PTPN21: variants seen among roughly 807,000 people sequenced by gnomAD.
PTPN21 encodes tyrosine-protein phosphatase non-receptor type 21.
Under a neutral mutation model 131.8 loss-of-function variants are expected in PTPN21, and 77 were observed. The ratio of observed to expected loss-of-function variants is 0.58; its 90% confidence interval spans 0.49 to 0.71. The LOEUF (loss-of-function observed/expected upper bound fraction) is 0.71, where lower values mean the gene tolerates loss of function less well. Ranked by LOEUF, PTPN21 falls within the 30% of genes least tolerant of loss-of-function variation. The probability of loss-of-function intolerance (pLI) is 0.00; values close to 1 mark genes in which losing one functional copy is unlikely to be tolerated. For synonymous variants in PTPN21, 715 were observed against 621.3 expected (o/e 1.15, Z -2.24); for missense variants, 1,552 against 1,527.1 (o/e 1.02, Z -0.27).
chr14:88,493,228 T>C (rs1566823331), intron 10 of PTPN21: 2 of 351,622 alleles, frequency 5.7e-6, no homozygotes, highest in Non-Finnish European at 1.1e-5. Context: ...TACTAAATTA[T>C]TGTTATGAAT....
chr14:88,477,445 C>CT (rs1214626566), intron 13 of PTPN21, among the ~76,000 whole-genome samples: 7 of 10,552 alleles, frequency 6.6e-4, no homozygotes, highest in South Asian at 5.3e-3. Context: ...CAAGACTGTT[C>CT]TAAAAAAAAA....
intron 7 of PTPN21, 155 bp downstream of exon 7, chr14:88,501,126 C>T (rs2078001437): frequency 1.3e-6 from 1 of 743,496 alleles, no homozygotes; most frequent in Non-Finnish European, 2.3e-6. Flanking sequence ...TGTGTTTTAC[C>T]ACAAAACTTT....
intron 2 of PTPN21, among the ~76,000 whole-genome samples, chr14:88,547,335 A>C (rs916541190): frequency 6.6e-6 from 1 of 151,530 alleles, no homozygotes; most frequent in African/African-American, 2.4e-5. Context: ...AAAGTAAATA[A>C]ATAAATAAAT....
chr14:88,507,654 T>G (rs2078112648), intron 4 of PTPN21, among the ~76,000 whole-genome samples: 1 of 152,326 alleles, frequency 6.6e-6, no homozygotes, highest in African/African-American at 2.4e-5. Flanking sequence ...TATGTGTGTG[T>G]ATACACACAT....
At chr14:88,481,175 G>A (rs1225887682) in intron 12 of PTPN21, among the ~76,000 whole-genome samples, 1 of 152,178 alleles carries the variant, frequency 6.6e-6, no homozygotes, top group Non-Finnish European at 1.5e-5. Flanking sequence ...TCCTCTGAAA[G>A]GCATTCTTTT....
At chr14:88,534,224 A>G (rs2078595843) in intron 2 of PTPN21, among the ~76,000 whole-genome samples, 1 of 150,716 alleles carries the variant, frequency 6.6e-6, no homozygotes, top group Non-Finnish European at 1.5e-5. Flanking sequence ...AAATTAAAAA[A>G]AAGGGGGGGC....
intron 2 of PTPN21, among the ~76,000 whole-genome samples, chr14:88,549,943 G>A (rs2078837128): frequency 6.6e-6 from 1 of 151,920 alleles, no homozygotes; most frequent in African/African-American, 2.4e-5. Flanking sequence ...CCACCACCAC[G>A]TCCGGCTAAT....
chr14:88,531,983 G>A (rs926619696), intron 2 of PTPN21, among the ~76,000 whole-genome samples: 4 of 152,062 alleles, frequency 2.6e-5, no homozygotes, highest in Non-Finnish European at 5.9e-5. Flanking sequence ...GCCTTTGCGT[G>A]CATAAACTAG....
chr14:88,537,472 A>G (rs1480446378), intron 2 of PTPN21, among the ~76,000 whole-genome samples: 1 of 152,204 alleles, frequency 6.6e-6, no homozygotes, highest in African/African-American at 2.4e-5. Context: ...TATTCATTCA[A>G]TGAATATTGA....
At chr14:88,498,327 C>T (rs565744255) in intron 8 of PTPN21, among the ~76,000 whole-genome samples, 37 of 151,698 alleles carry the variant, frequency 2.4e-4, no homozygotes, top group African/African-American at 8.2e-4. Context: ...TTTTAATCAG[C>T]TAGCATGAAT....
chr14:88,490,784 C>T (rs1276875804), intron 10 of PTPN21, among the ~76,000 whole-genome samples: 1 of 152,216 alleles, frequency 6.6e-6, no homozygotes, highest in East Asian at 1.9e-4. Flanking sequence ...TGGCCTGCTG[C>T]AGTCTGAAAT....
intron 13 of PTPN21, among the ~76,000 whole-genome samples, chr14:88,478,563 T>G (rs1003220545): frequency 6.6e-6 from 1 of 152,218 alleles, no homozygotes; most frequent in African/African-American, 2.4e-5. Context: ...CACAGTATTT[T>G]TAATGGGTGG....
intron 10 of PTPN21, among the ~76,000 whole-genome samples, chr14:88,489,019 A>G (rs1354417157): frequency 6.6e-6 from 1 of 152,166 alleles, no homozygotes; most frequent in Non-Finnish European, 1.5e-5. Context: ...TCCTGGTCAC[A>G]TGGCAAACAA....
chr14:88,517,675 T>C (rs1330329774), intron 2 of PTPN21, among the ~76,000 whole-genome samples: 3 of 13,454 alleles, frequency 2.2e-4, no homozygotes, highest in African/African-American at 4.3e-4. Context: ...TACACACACA[T>C]ATGTATATAT....
At chr14:88,541,377 C>A (rs1566852538) in intron 2 of PTPN21, among the ~76,000 whole-genome samples, 1 of 152,160 alleles carries the variant, frequency 6.6e-6, no homozygotes, top group African/African-American at 2.4e-5. Flanking sequence ...AATTGGCATA[C>A]TGTTAAAAGA....
intron 12 of PTPN21, among the ~76,000 whole-genome samples, chr14:88,480,584 A>C (rs2077639456): frequency 6.6e-6 from 1 of 152,054 alleles, no homozygotes; most frequent in South Asian, 2.1e-4. Flanking sequence ...TTGGGTGACA[A>C]AGTGAGACCC....
intron 2 of PTPN21, among the ~76,000 whole-genome samples, chr14:88,522,879 G>A (rs911892872): frequency 2.0e-5 from 3 of 151,930 alleles, no homozygotes; most frequent in Non-Finnish European, 2.9e-5. Flanking sequence ...AAAATAGGTA[G>A]GTGGAGCTTG....
Position 88,526,547 on chromosome 14 carries a change from CAAAAAAAAAAAAAAAA to C in PTPN21, c.181-9302_181-9287del, listed in dbSNP as rs10587204. Among the ~76,000 whole-genome samples the C allele has an allele frequency of 2.7e-3, 154 of 56,922 alleles. 3 individuals are homozygous for C. The highest frequency in any genetic ancestry group is 0.012 in the African/African-American group (143 of 12,164). 37.3% of individuals were successfully genotyped at this position (56,922 alleles called of 152,430 possible). A position where few individuals can be genotyped will look rare whatever the true frequency, so the allele number is the denominator to read the frequency against. On this transcript the variant is annotated intron_variant, in intron 2 of 18. Transcript: ENST00000556564. ...CCTGGGCAATAGAGCGAGATGATCT[CAAAAAAAAAAAAAAAA>C]AAAAAAAAAAAAGGTTAGTTGTACA...
Position 88,470,183 on chromosome 14 carries a change from TCAG to T in PTPN21, c.2872-136_2872-134del, listed in dbSNP as rs138920112. On this transcript the variant is annotated intron_variant, in intron 15 of 18. Transcript: ENST00000556564. ...GTAAAAAAGTAGTAAACTGGATTAT[TCAG>T]CAGAATAAGGAAAGACTTTTCATCT... 2.0e-3 allele frequency: 1,569 copies of T among 766,668 alleles called. 12 individuals carry two copies. In the African/African-American group the frequency reaches 0.023, roughly 11 times the overall value. The allele number at this position is 766,668 out of a possible 1,614,324, so 47.5% of individuals were successfully genotyped here. A position where few individuals can be genotyped will look rare whatever the true frequency, so the allele number is the denominator to read the frequency against.
Sources: gnomAD v4.1 joint callset for allele counts (sites outside exome capture counted in the v4.1 genomes callset) on GRCh38, gnomAD v4.1.1 for gene constraint, MANE v1.5 for transcripts, NCBI Gene and HGNC (gene_info 2026-07-23, HGNC 2026-07-21) for gene names.